Variants in TRMT9B observed in about 807,000 individuals in gnomAD.
The protein encoded by TRMT9B is tRNA methyltransferase 9B (putative).
Under a neutral mutation model 11.5 loss-of-function variants are expected in TRMT9B, and 16 were observed. That is an observed-to-expected ratio of 1.39 (90% confidence interval 0.94 to 2.11). The LOEUF is 2.11. TRMT9B is among the 30% of genes most tolerant of loss of function. The pLI is 0.00. For missense variants in TRMT9B, 941 were observed against 553.8 expected (o/e 1.70, Z -7.02); for synonymous variants, 274 against 192.4 (o/e 1.42, Z -3.51).
chr8:12,969,962 G>T (rs370325799), intron 1 of TRMT9B: 3 of 151,656 alleles, frequency 2.0e-5, no homozygotes, highest in African/African-American at 4.9e-5. Flanking sequence ...GGAATTACAG[G>T]CATGATTCTG....
Position 13,015,909 on chromosome 8 carries a change from T to C in TRMT9B, c.328+3052T>C, listed in dbSNP as rs1227522239. On this transcript the variant is annotated intron_variant, in intron 4 of 4. Transcript: ENST00000524591. ...GTTTTTATGATCTGTAACTACGAAT[T>C]AATGTGATGTGGTTATTTTCAGTTC... Among the ~76,000 whole-genome samples, 2 of 151,912 alleles carry C rather than the reference T, an allele frequency of 1.3e-5. 1 individual carries two copies. The highest frequency in any genetic ancestry group is 1.3e-4 in the Admixed American group (2 of 15,212).
At chr8:13,004,448 A>G (rs896402339) in intron 2 of TRMT9B, among the ~76,000 whole-genome samples, 1 of 151,350 alleles carries the variant, frequency 6.6e-6, no homozygotes, top group African/African-American at 2.4e-5. Context: ...AATAAAGAGG[A>G]TTTTGTCTTG....
chr8:12,992,945 A>G (rs537516819), intron 2 of TRMT9B, among the ~76,000 whole-genome samples: 5 of 152,310 alleles, frequency 3.3e-5, no homozygotes, highest in South Asian at 4.1e-4. Flanking sequence ...TTTATGCAGG[A>G]GGAAGAAACT....
At chr8:12,951,335 T>C (rs1800586082) in intron 1 of TRMT9B, 1 of 152,212 alleles carries the variant, frequency 6.6e-6, no homozygotes, top group Admixed American at 6.5e-5. Context: ...CTGTAAAAAA[T>C]TAAGTGAGAA....
At chr8:12,987,564 C>G (rs190697679) in intron 1 of TRMT9B, among the ~76,000 whole-genome samples, 50 of 152,048 alleles carry the variant, frequency 3.3e-4, no homozygotes, top group African/African-American at 1.2e-3. Flanking sequence ...GTGGTACACG[C>G]CTATAGTCCC....
intron 2 of TRMT9B, among the ~76,000 whole-genome samples, chr8:12,998,083 A>G (rs79732625): frequency 0.062 from 9,431 of 151,998 alleles, 369 homozygotes; most frequent in African/African-American, 0.11. Context: ...CCATTTTTCA[A>G]TTGTGTTGTC....
Position 13,012,789 on chromosome 8 carries a change from C to T in TRMT9B, c.260C>T (p.Ala87Val), listed in dbSNP as rs1440337527. ...VEIARNRGCE[A>V]MVCDNLNLPF... ...ATTGCCCGGAATAGAGGATGTGAAG[C>T]CATGGTATGTGACAACCTTAATCTC... Residue 87 changes from alanine to valine, a missense_variant, in exon 4 of 5, where the codon GCC (alanine) becomes GTC (valine). Coordinates refer to ENST00000524591, the MANE Select transcript of TRMT9B (RefSeq NM_020844.3). The T allele has an allele frequency of 6.2e-7, 1 of 1,613,914 alleles. No individual in the cohort carries two copies. The highest frequency in any genetic ancestry group is 2.2e-5 in the East Asian group (1 of 44,858).
At chr8:13,016,992 T>G (rs1196419804) in intron 4 of TRMT9B, among the ~76,000 whole-genome samples, 2 of 151,284 alleles carry the variant, frequency 1.3e-5, no homozygotes, top group Non-Finnish European at 2.9e-5. Context: ...GGCATAGTAG[T>G]GCATGCCTGT....
intron 4 of TRMT9B, among the ~76,000 whole-genome samples, chr8:13,015,040 C>T (rs559003287): frequency 1.3e-5 from 2 of 151,514 alleles, no homozygotes; most frequent in South Asian, 2.1e-4. Context: ...GCCTAAGCAA[C>T]AGAGTGAGAC....
chr8:12,983,238 T>C (rs897140355), intron 1 of TRMT9B, among the ~76,000 whole-genome samples: 2 of 152,042 alleles, frequency 1.3e-5, no homozygotes, highest in African/African-American at 4.8e-5. Flanking sequence ...AAAGGTGCAA[T>C]GGGCTTATTT....
rs1008733755 is a variant in TRMT9B at position 13,008,821 on chromosome 8, C to T, written c.154+2465C>T. On this transcript the variant is annotated intron_variant, in intron 3 of 4. Transcript: ENST00000524591. ...TCGGCTCACTGCAAGCTCCGCCTCC[C>T]GGGTTCACGCCATTCTCCTGCCTCA... Among the ~76,000 whole-genome samples, 6 of 152,150 alleles carry T rather than the reference C, an allele frequency of 3.9e-5. No homozygotes were observed. In the East Asian group the frequency reaches 7.7e-4, roughly 20 times the overall value.
intron 1 of TRMT9B, among the ~76,000 whole-genome samples, chr8:12,962,685 C>T (rs992809802): frequency 6.6e-6 from 1 of 152,110 alleles, no homozygotes; most frequent in Middle Eastern, 3.4e-3. Flanking sequence ...GAGACGGGGT[C>T]TCGCTATGTT....
chr8:13,019,317 C>G (rs149825094), intron 4 of TRMT9B, among the ~76,000 whole-genome samples: 16 of 152,120 alleles, frequency 1.1e-4, no homozygotes, highest in African/African-American at 3.9e-4. Flanking sequence ...TTTGAGACAG[C>G]GTCTCACTCT....
chr8:12,985,466 A>G (rs1221300433), intron 1 of TRMT9B, among the ~76,000 whole-genome samples: 1 of 152,108 alleles, frequency 6.6e-6, no homozygotes, highest in South Asian at 2.1e-4. Flanking sequence ...TGTCACCCCA[A>G]TCTAGAAAAG....
chr8:13,014,213 C>T (rs1812198041), intron 4 of TRMT9B, among the ~76,000 whole-genome samples: 1 of 152,194 alleles, frequency 6.6e-6, no homozygotes, highest in South Asian at 2.1e-4. Flanking sequence ...CTCTGATAGT[C>T]TCATTTGCAG....
At chr8:12,946,896 C>CCCAA (rs1800295700) in intron 1 of TRMT9B, among the ~76,000 whole-genome samples, 1 of 152,162 alleles carries the variant, frequency 6.6e-6, no homozygotes, top group African/African-American at 2.4e-5. Context: ...TTGAGAAGGT[C>CCCAA]TTCCAGGTTT....
intron 1 of TRMT9B, among the ~76,000 whole-genome samples, chr8:12,947,311 G>T (rs948024323): frequency 1.3e-5 from 2 of 152,190 alleles, no homozygotes; most frequent in Non-Finnish European, 2.9e-5. Flanking sequence ...CTACCATTCA[G>T]CCTGGTGATG....
chr8:12,953,976 A>G lies in TRMT9B; in HGVS notation c.-200+8010A>G, dbSNP rs147708774. 8.5e-4 allele frequency among the ~76,000 whole-genome samples: 129 copies of G among 152,338 alleles called. 1 individual carries two copies. The East Asian group carries it at 0.014, about 17-fold the overall frequency. ...GAAATTTTGTTTCTAGAAAGATTCA[A>G]TTACCGTAATGATGTTCTTTGGAAA... On this transcript the variant is annotated intron_variant, in intron 1 of 4. Coordinates refer to ENST00000524591, the MANE Select transcript of TRMT9B (RefSeq NM_020844.3).
chr8:13,013,323 C>T (rs892884320), intron 4 of TRMT9B, among the ~76,000 whole-genome samples: 1 of 152,196 alleles, frequency 6.6e-6, no homozygotes, highest in African/African-American at 2.4e-5. Flanking sequence ...TACTCAAGTT[C>T]ATGGAGAAGG....
Sources: allele counts gnomAD v4.1 joint callset (sites outside exome capture counted in the v4.1 genomes callset), GRCh38; gene constraint gnomAD v4.1.1; transcripts MANE v1.5; gene names NCBI Gene and HGNC (gene_info 2026-07-23, HGNC 2026-07-21).